CDH23: variants seen among roughly 807,000 people sequenced by gnomAD.
The protein encoded by CDH23 is cadherin-23.
In CDH23, 189 loss-of-function variants were observed where a neutral mutation model predicts 317.1. The ratio of observed to expected loss-of-function variants is 0.60; its 90% CI spans 0.53 to 0.67. The LOEUF is 0.67. Among genes scored for constraint, CDH23 ranks in the 30% least tolerant of loss-of-function variants. The pLI is 0.00. For missense variants in CDH23, 4,401 were observed against 4,592.4 expected, an observed-to-expected ratio of 0.96 and a Z score of 1.20; for synonymous variants, 1,839 against 1,876.8, an observed-to-expected ratio of 0.98 and a Z score of 0.52.
chr10:71,713,274 G>T (rs746145564), intron 28 of CDH23: 5 of 779,360 alleles, frequency 6.4e-6, no homozygotes, highest in Non-Finnish European at 4.8e-6. Flanking sequence ...CAGGGAGCAG[G>T]CGCAACAGCT....
chr10:71,577,217 G>A (rs747792159), intron 8 of CDH23, among the ~76,000 whole-genome samples: 6 of 152,038 alleles, frequency 3.9e-5, no homozygotes, highest in Non-Finnish European at 7.4e-5. Flanking sequence ...CCCCAAGAAC[G>A]CGTTCCCCTG....
At chr10:71,739,511 C>T in intron 35 of CDH23, 133 bp from the exon 36 acceptor site, 1 of 1,079,276 alleles carries the variant, frequency 9.3e-7, no homozygotes. Context: ...CTGCTTAAAA[C>T]ACTGCACTCC....
chr10:71,707,089 G>A (rs751283295), intron 26 of CDH23, 40 bp downstream of exon 26: 1 of 1,578,284 alleles, frequency 6.3e-7, no homozygotes, highest in East Asian at 2.3e-5. Context: ...AGGCCTCCTG[G>A]GGCCCTGCCT....
intron 3 of CDH23, among the ~76,000 whole-genome samples, chr10:71,466,689 TTG>T (rs1009222771): frequency 2.0e-5 from 3 of 151,828 alleles, no homozygotes; most frequent in African/African-American, 7.3e-5. Flanking sequence ...TTGTCCACAT[TTG>T]TGTGTGTGTG....
Position 71,688,821 on chromosome 10 carries a change from C to T in CDH23, c.2059+1102C>T, listed in dbSNP as rs1227085. Among the ~76,000 whole-genome samples, 18 of 42,356 alleles carry T rather than the reference C, an allele frequency of 4.2e-4. 3 individuals are homozygous for T. Among genetic ancestry groups the T allele is most frequent in the East Asian group, 2.0e-3 (3 of 1,482 alleles). The allele number at this position is 42,356 out of a possible 152,430, so 27.8% of individuals were successfully genotyped here. On this transcript the variant is annotated intron_variant, in intron 19 of 69. Transcript: ENST00000224721. Reference sequence around the variant, plus strand: ...GGTGGTGGAGCCAACGGTGGTGGAGCCAGGGGTGGTGGAGTCAGGGGTGGT... The same window carrying T: ...GGTGGTGGAGCCAACGGTGGTGGAGTCAGGGGTGGTGGAGTCAGGGGTGGT...
At chr10:71,515,430 ACATTGTACTTTT>A (rs1854273981) in intron 6 of CDH23, among the ~76,000 whole-genome samples, 1 of 150,052 alleles carries the variant, frequency 6.7e-6, no homozygotes, top group Non-Finnish European at 1.5e-5. Flanking sequence ...GCACACATAC[ACATTGTACTTTT>A]CTAACTAGTA....
At chr10:71,708,288 G>A (rs755277831) in intron 26 of CDH23, among the ~76,000 whole-genome samples, 9 of 152,134 alleles carry the variant, frequency 5.9e-5, no homozygotes, top group Non-Finnish European at 1.0e-4. Context: ...GTGGGCTCCC[G>A]CTGACCTGCC....
intron 14 of CDH23, among the ~76,000 whole-genome samples, chr10:71,666,406 C>T (rs1361481135): frequency 6.6e-6 from 1 of 152,090 alleles, no homozygotes; most frequent in Non-Finnish European, 1.5e-5. Context: ...CCTTCAAGCA[C>T]CCATCATTTC....
chr10:71,807,137 A>G, intron 57 of CDH23, 140 bp from the exon 58 acceptor site: 1 of 1,089,130 alleles, frequency 9.2e-7, no homozygotes, highest in South Asian at 1.6e-5. Flanking sequence ...TTGAGGTTAC[A>G]ACGGTTCTAC....
chr10:71,741,145 G>C (rs575709809), intron 37 of CDH23, among the ~76,000 whole-genome samples, 195 bp downstream of exon 37: 2 of 152,222 alleles, frequency 1.3e-5, no homozygotes, highest in Non-Finnish European at 2.9e-5. Context: ...TTTTGGAGTA[G>C]AGGAGAAGAG....
chr10:71,401,036 A>G (rs1170203599), intron 1 of CDH23, among the ~76,000 whole-genome samples: 1 of 152,178 alleles, frequency 6.6e-6, no homozygotes, highest in Non-Finnish European at 1.5e-5. Context: ...CTGTTTGTCC[A>G]TGAATAGATG....
At chr10:71,638,925 C>T (rs1240883835) in intron 11 of CDH23, among the ~76,000 whole-genome samples, 1 of 152,046 alleles carries the variant, frequency 6.6e-6, no homozygotes, top group Non-Finnish European at 1.5e-5. Context: ...GGGCAGCCCT[C>T]CTGGCAGCCG....
At chr10:71,416,371 C>T (rs1404285049) in intron 1 of CDH23, among the ~76,000 whole-genome samples, 1 of 152,176 alleles carries the variant, frequency 6.6e-6, no homozygotes, top group Non-Finnish European at 1.5e-5. Flanking sequence ...TCTACTATCT[C>T]TTGGACAAAG....
intron 6 of CDH23, among the ~76,000 whole-genome samples, chr10:71,566,072 C>T (rs749799565): frequency 6.6e-6 from 1 of 152,166 alleles, no homozygotes; most frequent in Admixed American, 6.5e-5. Flanking sequence ...CGGGAATGGA[C>T]CACAAGGGCC....
Position 71,809,946 on chromosome 10 carries a change from T to C in CDH23, c.8849T>C (p.Ile2950Thr). 3 of 1,612,580 alleles carry C rather than the reference T, an allele frequency of 1.9e-6. No homozygotes were observed. The highest frequency in any genetic ancestry group is 2.5e-6 in the Non-Finnish European group (3 of 1,179,866). Residue 2950 changes from isoleucine (I) to threonine (T), a missense_variant, in exon 61 of 70, where the codon ATC (isoleucine) becomes ACC (threonine). Ile to Thr is a moderately conservative substitution (Grantham distance 89, BLOSUM62 -1). Around this residue, in one of 3 missense-constraint regions of CDH23, gnomAD observed 1,144 missense variants for 1,138.2 expected, o/e 1.01. Transcript: ENST00000224721. ...HNDTAIIGIYILRDDQRVKIV... is the reference protein window; with the variant it reads ...HNDTAIIGIYTLRDDQRVKIV... ...GACACGGCCATCATCGGCATCTACA[T>C]CCTGAGGGACGACCAGCGCGTCAAG...
At chr10:71,761,514 C>T (rs1840383780) in intron 38 of CDH23, 2 of 1,427,636 alleles carry the variant, frequency 1.4e-6, no homozygotes, top group Admixed American at 2.5e-5. Flanking sequence ...TCACACTCTG[C>T]CCAGCACAGT....
chr10:71,800,985 C>G (rs1589429735), intron 53 of CDH23, among the ~76,000 whole-genome samples: 1 of 152,158 alleles, frequency 6.6e-6, no homozygotes, highest in African/African-American at 2.4e-5. Flanking sequence ...TGCTATTTGG[C>G]AAAATATTTT....
In CDH23 at chr10:71,613,069, G is replaced by C. The variant is rs993831174; in HGVS notation, c.833-2435G>C. On this transcript the variant is annotated intron_variant, in intron 9 of 69. Coordinates refer to ENST00000224721, the MANE Select transcript of CDH23 (RefSeq NM_022124.6). ...TTGCCATGTTGGCCAGGCTGGTCTT[G>C]AACTCCTGACTTCAAGTGATCTGCC... 1.1e-4 allele frequency among the ~76,000 whole-genome samples: 16 copies of C among 152,156 alleles called. 1 individual carries two copies. Among genetic ancestry groups the C allele is most frequent in the Non-Finnish European group, 4.4e-5 (3 of 68,026 alleles).
At chr10:71,433,204 T>C (rs1014217350) in intron 1 of CDH23, among the ~76,000 whole-genome samples, 3 of 152,158 alleles carry the variant, frequency 2.0e-5, no homozygotes, top group Non-Finnish European at 4.4e-5. Flanking sequence ...CCTGCATACA[T>C]TCACACACTA....
Sources: gnomAD v4.1 joint callset for allele counts (sites outside exome capture counted in the v4.1 genomes callset) on GRCh38, gnomAD v4.1.1 for gene constraint, gnomAD v4.1.1 regional missense constraint, MANE v1.5 for transcripts, NCBI Gene and HGNC (gene_info 2026-07-23, HGNC 2026-07-21) for gene names.